KLHL29: variants seen among roughly 807,000 people sequenced by gnomAD.
KLHL29 encodes kelch like family member 29, also known as kelch-like protein 29.
A neutral mutation model predicts 80.4 loss-of-function variants in KLHL29; 21 were observed. The observed-to-expected ratio is 0.26, with a 90% CI of 0.19 to 0.38. The LOEUF is 0.38. KLHL29 is among the 10% of genes least tolerant of loss of function. The pLI, the probability that KLHL29 is intolerant of heterozygous loss-of-function variation, is 1.00. For synonymous variants in KLHL29, 511 were observed against 526.8 expected, an observed-to-expected ratio of 0.97 and a Z score of 0.41; for missense variants, 867 against 1,223.9, an observed-to-expected ratio of 0.71 and a Z score of 4.35.
chr2:23,454,802 T>A (rs533374468), intron 1 of KLHL29, among the ~76,000 whole-genome samples: 4 of 152,212 alleles, frequency 2.6e-5, no homozygotes, highest in African/African-American at 4.8e-5. Flanking sequence ...GATTTTTTTT[T>A]AAATTTTGTA....
intron 5 of KLHL29, chr2:23,668,218 G>A (rs1352103845): frequency 3.3e-5 from 5 of 152,224 alleles, no homozygotes; most frequent in Admixed American, 3.3e-4. Context: ...ACCCAGCTCA[G>A]TGCCGTCTAT....
intron 1 of KLHL29, among the ~76,000 whole-genome samples, chr2:23,421,659 C>CTG (rs373328558): frequency 0.074 from 10,441 of 141,822 alleles, 526 homozygotes; most frequent in African/African-American, 0.15. Flanking sequence ...GTGTGTGAAC[C>CTG]TGTGTGTGTG....
intron 1 of KLHL29, among the ~76,000 whole-genome samples, chr2:23,401,903 T>C (rs1158914597): frequency 6.6e-6 from 1 of 152,250 alleles, no homozygotes; most frequent in Non-Finnish European, 1.5e-5. Context: ...AGGTAACTGC[T>C]TCAGGGCTGC....
At chr2:23,610,990 A>T (rs1476008094) in intron 3 of KLHL29, among the ~76,000 whole-genome samples, 2 of 152,202 alleles carry the variant, frequency 1.3e-5, no homozygotes, top group African/African-American at 4.8e-5. Flanking sequence ...CTTCAAGTGG[A>T]TGGAAAGACA....
At chr2:23,489,659 T>C (rs1222735747) in intron 2 of KLHL29, among the ~76,000 whole-genome samples, 2 of 151,698 alleles carry the variant, frequency 1.3e-5, no homozygotes, top group Non-Finnish European at 2.9e-5. Context: ...GATGGGGGCA[T>C]GGTGGTGGCA....
intron 1 of KLHL29, among the ~76,000 whole-genome samples, chr2:23,456,002 A>G (rs1664039888): frequency 6.6e-6 from 1 of 152,172 alleles, no homozygotes; most frequent in African/African-American, 2.4e-5. Context: ...TTCGTGAGAA[A>G]GCGGCCACCT....
At chr2:23,698,654 TATATC>T (rs1242828051) in intron 11 of KLHL29, among the ~76,000 whole-genome samples, 2 of 152,340 alleles carry the variant, frequency 1.3e-5, no homozygotes, top group African/African-American at 2.4e-5. Context: ...AAACCTGTAT[TATATC>T]ATTATATAAA....
At chr2:23,489,229 G>A (rs915549428) in intron 2 of KLHL29, among the ~76,000 whole-genome samples, 3 of 152,116 alleles carry the variant, frequency 2.0e-5, no homozygotes, top group Admixed American at 6.5e-5. Flanking sequence ...GTTCCCCAGC[G>A]GGGTGCTGAG....
chr2:23,658,339 C>T (rs1670303850), intron 5 of KLHL29, among the ~76,000 whole-genome samples: 1 of 152,190 alleles, frequency 6.6e-6, no homozygotes, highest in Non-Finnish European at 1.5e-5. Flanking sequence ...ATGCCCCCGT[C>T]AGCACAGGCT....
At chr2:23,602,926 G>A (rs773392503) in intron 3 of KLHL29, among the ~76,000 whole-genome samples, 3 of 152,174 alleles carry the variant, frequency 2.0e-5, no homozygotes, top group Non-Finnish European at 4.4e-5. Flanking sequence ...GGCCAGCTTG[G>A]ACTTGCCAGC....
intron 1 of KLHL29, among the ~76,000 whole-genome samples, chr2:23,448,233 C>T (rs1190428629): frequency 6.6e-6 from 1 of 152,046 alleles, no homozygotes; most frequent in Non-Finnish European, 1.5e-5. Context: ...ATTGCAGGTG[C>T]TCTGACACCA....
At chr2:23,530,846 G>T (rs534435996) in intron 2 of KLHL29, among the ~76,000 whole-genome samples, 171 of 152,234 alleles carry the variant, frequency 1.1e-3, no homozygotes, top group African/African-American at 3.9e-3. Flanking sequence ...GCCACCAAGG[G>T]TTCTTGCCCC....
intron 3 of KLHL29, among the ~76,000 whole-genome samples, chr2:23,587,941 A>G (rs141100451): frequency 4.3e-4 from 66 of 152,284 alleles, no homozygotes; most frequent in African/African-American, 1.5e-3. Flanking sequence ...CCTCGTTGTA[A>G]CAATTTTTCT....
chr2:23,462,555 C>T (rs1037078162), intron 1 of KLHL29, among the ~76,000 whole-genome samples: 2 of 152,206 alleles, frequency 1.3e-5, no homozygotes, highest in Admixed American at 1.3e-4. Context: ...TCCGTTTTCT[C>T]ATCTGCAAAA....
intron 2 of KLHL29, among the ~76,000 whole-genome samples, chr2:23,536,442 G>T (rs924420928): frequency 6.6e-6 from 1 of 152,154 alleles, no homozygotes; most frequent in Admixed American, 6.5e-5. Context: ...CAGGGGGCTG[G>T]TGCCGGCCTG....
chr2:23,700,383 A>AT lies in KLHL29; in HGVS notation c.2106-2797dup, dbSNP rs1325072733. 6.6e-6 allele frequency among the ~76,000 whole-genome samples: 1 copy of AT among 152,092 alleles called. No homozygotes were observed. The highest frequency in any genetic ancestry group is 2.4e-5 in the African/African-American group (1 of 41,416). ...CATACTCAAAATTCATCACTTCCTA[A>AT]TTTTTTACTACATGTTACTACTCTC... On this transcript the variant is annotated intron_variant, in intron 11 of 13. Coordinates refer to ENST00000486442, the MANE Select transcript of KLHL29 (RefSeq NM_052920.2). The surrounding 1 kb of genome is among the most constrained non-coding windows in gnomAD (Gnocchi z 4.6).
chr2:23,468,839 G>A (rs972471798), intron 1 of KLHL29, among the ~76,000 whole-genome samples: 5 of 152,204 alleles, frequency 3.3e-5, no homozygotes, highest in Non-Finnish European at 7.3e-5. Flanking sequence ...AGGGAAAGCC[G>A]AAGGCAACAC....
At chr2:23,395,313 G>A (rs149587479) in intron 1 of KLHL29, among the ~76,000 whole-genome samples, 28 of 152,272 alleles carry the variant, frequency 1.8e-4, no homozygotes, top group Admixed American at 1.5e-3. Context: ...TACATTGGCC[G>A]CTGCTGCTAT....
intron 12 of KLHL29, 96 bp downstream of exon 12, chr2:23,703,475 A>G (rs1672520131): frequency 8.4e-7 from 1 of 1,188,920 alleles, no homozygotes; most frequent in African/African-American, 1.5e-5. Flanking sequence ...GGCTAAGCCC[A>G]ACAGCTCTGC....
Sources: gnomAD v4.1 joint callset for allele counts (sites outside exome capture counted in the v4.1 genomes callset) on GRCh38, gnomAD v4.1.1 for gene constraint, Gnocchi (gnomAD v3.1) non-coding constraint, MANE v1.5 for transcripts, NCBI Gene and HGNC (gene_info 2026-07-23, HGNC 2026-07-21) for gene names.